The following COPS4 variants were observed in gnomAD, a reference collection of about 807,000 sequenced individuals.
COPS4 encodes the protein COP9 signalosome subunit 4.
A neutral mutation model predicts 55.1 loss-of-function variants in COPS4; 8 were observed. That is an observed-to-expected ratio of 0.15 (90% CI 0.09 to 0.26). COPS4 has a LOEUF of 0.26. Among genes scored for constraint, COPS4 ranks in the 10% least tolerant of loss-of-function variants. The pLI is 1.00. For missense variants in COPS4, 248 were observed against 484.0 expected, an observed-to-expected ratio of 0.51 and a Z score of 4.58; for synonymous variants, 185 against 165.7, an observed-to-expected ratio of 1.12 and a Z score of -0.90.
At chr4:83,054,206 G>A (rs956077128) in intron 4 of COPS4, among the ~76,000 whole-genome samples, 1 of 152,092 alleles carries the variant, frequency 6.6e-6, no homozygotes, top group African/African-American at 2.4e-5. Flanking sequence ...GCCAGGTGTG[G>A]TGGCAGGCGC....
At chr4:83,036,264 C>A (rs1413561433) in intron 1 of COPS4, among the ~76,000 whole-genome samples, 1 of 151,576 alleles carries the variant, frequency 6.6e-6, no homozygotes, top group Non-Finnish European at 1.5e-5. Flanking sequence ...TGAGACCCCC[C>A]CCCCCGCCGC....
chr4:83,049,569 A>G, intron 3 of COPS4: 1 of 481,168 alleles, frequency 2.1e-6, no homozygotes, highest in Non-Finnish European at 3.6e-6. Flanking sequence ...AAAATCAGTA[A>G]AATTGGTATT....
In COPS4 at chr4:83,035,220, G is replaced by A. The variant is rs1376543258; in HGVS notation, c.-5G>A. 3 of 1,563,804 alleles carry A rather than the reference G, an allele frequency of 1.9e-6. No individual in the cohort carries two copies. Among genetic ancestry groups the A allele is most frequent in the African/African-American group, 2.7e-5 (2 of 73,740 alleles). On this transcript the variant is annotated 5_prime_UTR_variant, in exon 1 of 10. Coordinates refer to ENST00000264389, the MANE Select transcript of COPS4 (RefSeq NM_016129.3). ...CCCCGCATCCACCGCTGAGCTGGGA[G>A]AAAGATGGCGGCAGCCGTGCGACAG...
rs534290619 is a variant in COPS4 at position 83,071,868 on chromosome 4, T to C, written c.1087+3346T>C. Among the ~76,000 whole-genome samples, 250 of 146,968 alleles carry C rather than the reference T, an allele frequency of 1.7e-3. 1 individual carries two copies. Among genetic ancestry groups the C allele is most frequent in the Non-Finnish European group, 1.9e-3 (125 of 66,370 alleles). ...CTGGGACTACAGGCACACGCCACCA[T>C]ACCCAGCTAATTTTTTGTATTTTAA... On this transcript the variant is annotated intron_variant, in intron 9 of 9. Transcript: ENST00000264389.
intron 1 of COPS4, among the ~76,000 whole-genome samples, chr4:83,040,734 T>C (rs1238523118): frequency 1.3e-5 from 2 of 150,084 alleles, no homozygotes; most frequent in Non-Finnish European, 2.9e-5. Flanking sequence ...ATTTTTTTTT[T>C]CATTTCTTTC....
chr4:83,072,814 CAA>C, intron 9 of COPS4, among the ~76,000 whole-genome samples: 1 of 152,258 alleles, frequency 6.6e-6, no homozygotes, highest in African/African-American at 2.4e-5. Flanking sequence ...TGGTAATAAA[CAA>C]ATTTATAATA....
intron 4 of COPS4, among the ~76,000 whole-genome samples, chr4:83,053,431 G>A (rs1276126579): frequency 6.6e-6 from 1 of 152,018 alleles, no homozygotes; most frequent in Non-Finnish European, 1.5e-5. Flanking sequence ...AGGGAAGTGA[G>A]GCCTTTATGG....
chr4:83,043,321 A>G (rs1241380835), intron 1 of COPS4, among the ~76,000 whole-genome samples: 1 of 151,948 alleles, frequency 6.6e-6, no homozygotes, highest in Admixed American at 6.6e-5. Flanking sequence ...GTTGGAGACC[A>G]GTTTGGGCAA....
At chr4:83,065,494 A>T (rs1349752185) in intron 7 of COPS4, among the ~76,000 whole-genome samples, 1 of 152,198 alleles carries the variant, frequency 6.6e-6, no homozygotes, top group East Asian at 1.9e-4. Flanking sequence ...TAAGAAAAAG[A>T]GGTTCTCAGA....
chr4:83,069,408 C>A (rs1337728024), intron 9 of COPS4, among the ~76,000 whole-genome samples: 1 of 152,172 alleles, frequency 6.6e-6, no homozygotes, highest in Non-Finnish European at 1.5e-5. Context: ...TCCATTGACT[C>A]TTCTGTTTTC....
At position 83,035,269 on chromosome 4, in the gene COPS4, G is replaced by A; in HGVS notation, c.45G>A (p.Ser15=). Reference sequence around the variant, plus strand: ...AGGATTTGGCCCAGCTCATGAATTCGAGCGGCTCTCATAAAGATCTGGCTG... The same window carrying A: ...AGGATTTGGCCCAGCTCATGAATTCAAGCGGCTCTCATAAAGATCTGGCTG... ...VRQDLAQLMN[S]SGSHKDLAGK... is the part of the protein sequence containing the mutation. The change falls in exon 1 of 10, where the codon TCG becomes TCA. Residue 15 remains serine (S), a synonymous_variant. Coordinates refer to ENST00000264389, the MANE Select transcript of COPS4 (RefSeq NM_016129.3). 1 of 1,570,152 alleles carries A rather than the reference G, an allele frequency of 6.4e-7. No homozygotes were observed.
At position 83,063,227 on chromosome 4, in the gene COPS4, A is replaced by G. The variant is rs749599801; in HGVS notation, c.867A>G (p.Gln289=). 1 of 1,613,370 alleles carries G rather than the reference A, an allele frequency of 6.2e-7. No individual in the cohort carries two copies. The highest frequency in any genetic ancestry group is 1.1e-5 in the South Asian group (1 of 90,906). The change falls in exon 7 of 10, where the codon CAA becomes CAG. Residue 289 remains glutamine (Q), a synonymous_variant. Transcript: ENST00000264389. The part of the protein sequence containing the change: ...QEFAAMLMPH[Q]KATTADGSSI... ...TTGCTGCCATGCTGATGCCTCACCA[A>G]AAAGCAACTACAGCTGATGGTAATG...
intron 7 of COPS4, among the ~76,000 whole-genome samples, chr4:83,066,130 C>A (rs1731286459): frequency 6.6e-6 from 1 of 151,738 alleles, no homozygotes; most frequent in South Asian, 2.1e-4. Context: ...CCAGTCTGGG[C>A]AACAGAATGA....
Position 83,049,931 on chromosome 4 carries a change from T to C in COPS4, c.357T>C (p.Asp119=), listed in dbSNP as rs767453225. The C allele has an allele frequency of 6.2e-6, 10 of 1,611,692 alleles. No individual in the cohort carries two copies. Among genetic ancestry groups the C allele is most frequent in the Non-Finnish European group, 7.6e-6 (9 of 1,179,118 alleles). ...CATCTATATATGAGAAAGAAGAAGA[T>C]TGGAGAAATGCAGCCCAAGTGTTGG... ...HLASIYEKEE[D]WRNAAQVLVG... is the part of the protein sequence containing the mutation. The change falls in exon 4 of 10, where the codon GAT becomes GAC. Residue 119 remains aspartate, a synonymous_variant. Transcript: ENST00000264389.
At chr4:83,071,957 G>A (rs1434257136) in intron 9 of COPS4, among the ~76,000 whole-genome samples, 11 of 152,108 alleles carry the variant, frequency 7.2e-5, no homozygotes, top group Non-Finnish European at 1.2e-4. Flanking sequence ...TGATCCGCCC[G>A]CCTCGGCCTC....
chr4:83,056,953 GACTT>G lies in COPS4; in HGVS notation c.443_446del (p.Tyr148Ter). On this transcript the variant is annotated frameshift_variant, in exon 5 of 10. Coordinates refer to ENST00000264389, the MANE Select transcript of COPS4 (RefSeq NM_016129.3). LOFTEE classifies it high-confidence loss of function. ...AGTACAATGTAGATTATAAACTGGA[GACTT>G]ACTTGAAGATTGCTAGGCTATATCT... The G allele has an allele frequency of 6.2e-7, 1 of 1,613,182 alleles. No individual in the cohort carries two copies. Among genetic ancestry groups the G allele is most frequent in the Non-Finnish European group, 8.5e-7 (1 of 1,179,236 alleles).
intron 9 of COPS4, among the ~76,000 whole-genome samples, chr4:83,071,587 AGTT>A (rs1398051616): frequency 6.6e-6 from 1 of 151,886 alleles, no homozygotes; most frequent in East Asian, 1.9e-4. Context: ...GCACCTGGCT[AGTT>A]GTTTTTCTTC....
chr4:83,052,120 A>G (rs1015962587), intron 4 of COPS4, among the ~76,000 whole-genome samples: 3 of 152,192 alleles, frequency 2.0e-5, no homozygotes, highest in South Asian at 2.1e-4. Context: ...ATGGTTTAAG[A>G]GAGAATGGGA....
intron 6 of COPS4, among the ~76,000 whole-genome samples, chr4:83,060,978 G>A (rs1213082300): frequency 1.3e-5 from 2 of 151,010 alleles, no homozygotes; most frequent in African/African-American, 4.9e-5. Context: ...AGATTGCAGC[G>A]AGCTGAGATC....
Sources: allele counts gnomAD v4.1 joint callset (sites outside exome capture counted in the v4.1 genomes callset), GRCh38; gene constraint gnomAD v4.1.1; transcripts MANE v1.5; gene names NCBI Gene and HGNC (gene_info 2026-07-23, HGNC 2026-07-21).